HHIP: variants seen among roughly 807,000 people sequenced by gnomAD.
The protein encoded by HHIP is hedgehog-interacting protein.
A neutral mutation model predicts 74.0 loss-of-function variants in HHIP; 12 were observed. The ratio of observed to expected loss-of-function variants is 0.16; its 90% CI spans 0.10 to 0.26. The LOEUF (loss-of-function observed/expected upper bound fraction) is 0.26, where lower values mean the gene tolerates loss of function less well. HHIP is among the 10% of genes least tolerant of loss of function. The pLI, the probability that HHIP is intolerant of heterozygous loss-of-function variation, is 1.00. For missense variants in HHIP, 788 were observed against 845.0 expected, an observed-to-expected ratio of 0.93 and a Z score of 0.84; for synonymous variants, 309 against 311.6, an observed-to-expected ratio of 0.99 and a Z score of 0.09.
At chr4:144,656,018 A>G (rs1435577818) in intron 2 of HHIP, among the ~76,000 whole-genome samples, 1 of 152,208 alleles carries the variant, frequency 6.6e-6, no homozygotes, top group Non-Finnish European at 1.5e-5. Flanking sequence ...CATTATTAGT[A>G]GACCTGACCA....
intron 1 of HHIP, among the ~76,000 whole-genome samples, chr4:144,652,260 A>G (rs1404755824): frequency 6.6e-6 from 1 of 152,130 alleles, no homozygotes; most frequent in Non-Finnish European, 1.5e-5. Context: ...TTAAAGTTAA[A>G]TATCATTCAG....
intron 4 of HHIP, among the ~76,000 whole-genome samples, chr4:144,687,905 G>C (rs1729534074): frequency 6.6e-6 from 1 of 151,852 alleles, no homozygotes; most frequent in Non-Finnish European, 1.5e-5. Flanking sequence ...CTGTGTTACA[G>C]AGTCTTTACA....
At chr4:144,733,589 ACCT>A (rs1249029825) in intron 11 of HHIP, among the ~76,000 whole-genome samples, 1 of 152,056 alleles carries the variant, frequency 6.6e-6, no homozygotes, top group Non-Finnish European at 1.5e-5. Context: ...TCTGTAATTT[ACCT>A]CTTGAGGTTT....
In HHIP at chr4:144,718,529, T is replaced by A. The variant is rs753935660; in HGVS notation, c.1679-346T>A. Among the ~76,000 whole-genome samples, 47 of 152,208 alleles carry A rather than the reference T, an allele frequency of 3.1e-4. 1 individual carries two copies. Among genetic ancestry groups the A allele is most frequent in the Non-Finnish European group, 3.5e-4 (24 of 68,034 alleles). On this transcript the variant is annotated intron_variant, in intron 10 of 12. Transcript: ENST00000296575. ...AAGGAGTGTGATCCAACGTACATGA[T>A]CTAACTCCTTTGAAAAGAATCACTG...
intron 11 of HHIP, 26 bp downstream of exon 11, chr4:144,718,982 G>T: frequency 7.3e-7 from 1 of 1,364,626 alleles, no homozygotes; most frequent in South Asian, 1.2e-5. Flanking sequence ...ATCCCATTAA[G>T]TCAAGTAATT....
intron 11 of HHIP, among the ~76,000 whole-genome samples, chr4:144,724,926 G>A (rs1479948824): frequency 6.6e-6 from 1 of 151,736 alleles, no homozygotes. Flanking sequence ...GCCATAAAAT[G>A]GAGAATGTGA....
chr4:144,721,601 A>G (rs1161808986), intron 11 of HHIP, among the ~76,000 whole-genome samples: 5 of 151,776 alleles, frequency 3.3e-5, no homozygotes, highest in African/African-American at 9.7e-5. Context: ...AAGGAAAAAA[A>G]AAAAAAAAAA....
At chr4:144,706,818 T>C in intron 5 of HHIP, 136 bp downstream of exon 5, 1 of 793,342 alleles carries the variant, frequency 1.3e-6, no homozygotes. Context: ...TCCATCTTGC[T>C]GAAAACTCCA....
At chr4:144,692,851 G>C (rs1729712127) in intron 4 of HHIP, among the ~76,000 whole-genome samples, 1 of 151,068 alleles carries the variant, frequency 6.6e-6, no homozygotes, top group Admixed American at 6.6e-5. Flanking sequence ...CCGAGACACA[G>C]AGAGGCTAAG....
chr4:144,689,965 C>A (rs781698985), intron 4 of HHIP, among the ~76,000 whole-genome samples: 14 of 152,050 alleles, frequency 9.2e-5, no homozygotes, highest in Non-Finnish European at 1.5e-4. Context: ...TGCACCATCA[C>A]GCCCAGCTAA....
At chr4:144,716,503 A>T (rs942553230) in intron 10 of HHIP, among the ~76,000 whole-genome samples, 2 of 152,128 alleles carry the variant, frequency 1.3e-5, no homozygotes, top group Admixed American at 6.5e-5. Flanking sequence ...CCCCTAACTT[A>T]CATCCTCTGT....
Position 144,715,401 on chromosome 4 carries a change from A to G in HHIP, c.1649A>G (p.His550Arg). 6.2e-7 allele frequency: 1 copy of G among 1,613,516 alleles called. No homozygotes were observed. The part of the protein sequence containing the change: ...SGSCRGYFSG[H>R]ILGFGEDELG... ...TCCTGTAGAGGCTACTTTTCCGGTCACATCTTGGGATTTGGAGAAGATGAA... is the reference window on the plus strand; with the variant it reads ...TCCTGTAGAGGCTACTTTTCCGGTCGCATCTTGGGATTTGGAGAAGATGAA... The change falls in exon 10 of 13, where the codon CAC becomes CGC. Residue 550 changes from histidine to arginine, a missense_variant. This residue lies in a region of HHIP where 343 missense variants were observed against 347.9 expected (regional missense o/e 0.99). Transcript: ENST00000296575.
intron 2 of HHIP, among the ~76,000 whole-genome samples, chr4:144,653,403 T>C (rs1728476511): frequency 6.6e-6 from 1 of 152,088 alleles, no homozygotes; most frequent in African/African-American, 2.4e-5. Flanking sequence ...AGTTATACAA[T>C]GAGAAGGTGA....
At chr4:144,718,178 G>T (rs1334655391) in intron 10 of HHIP, among the ~76,000 whole-genome samples, 4 of 152,160 alleles carry the variant, frequency 2.6e-5, no homozygotes, top group African/African-American at 9.7e-5. Flanking sequence ...AGAGGAATTT[G>T]TTGGGAGTTG....
intron 4 of HHIP, among the ~76,000 whole-genome samples, chr4:144,666,604 C>A (rs1430975061): frequency 6.6e-6 from 1 of 152,228 alleles, no homozygotes; most frequent in Non-Finnish European, 1.5e-5. Flanking sequence ...TTGTCTGACA[C>A]TGTGCTCTCA....
chr4:144,647,490 C>G (rs943831441), intron 1 of HHIP, among the ~76,000 whole-genome samples: 2 of 152,314 alleles, frequency 1.3e-5, no homozygotes, highest in Non-Finnish European at 2.9e-5. Flanking sequence ...AAAGGAACTC[C>G]TGGTCCTCCG....
chr4:144,706,968 T>C (rs1014800455), intron 5 of HHIP, 119 bp from the exon 6 acceptor site: 1 of 819,084 alleles, frequency 1.2e-6, no homozygotes, highest in African/African-American at 1.7e-5. Flanking sequence ...TTCAAATATA[T>C]GTTTCCTTAT....
intron 2 of HHIP, 105 bp from the exon 3 acceptor site, chr4:144,658,685 C>T: frequency 1.2e-6 from 1 of 857,948 alleles, no homozygotes; most frequent in South Asian, 1.9e-5. Flanking sequence ...CCTAAAATAT[C>T]CACCTAGTTT....
rs1196528846 is a variant in HHIP at position 144,742,149 on chromosome 4, CTAAA to C, written c.*4195_*4198del. 2 of 151,948 alleles carry C rather than the reference CTAAA, an allele frequency of 1.3e-5. No individual in the cohort carries two copies. The highest frequency in any genetic ancestry group is 2.9e-5 in the Non-Finnish European group (2 of 68,012). 9.4% of individuals were successfully genotyped at this position (151,948 alleles called of 1,614,324 possible). On this transcript the variant is annotated 3_prime_UTR_variant, in exon 13 of 13. Transcript: ENST00000296575. The stretch of plus-strand genomic sequence containing the variant: ...CTCCTACATTTTCTATTGGTTTTGC[CTAAA>C]TAGACATGTTCTCAATACACCCATG...
Sources: gnomAD v4.1 joint callset for allele counts (sites outside exome capture counted in the v4.1 genomes callset) on GRCh38, gnomAD v4.1.1 for gene constraint, gnomAD v4.1.1 regional missense constraint, MANE v1.5 for transcripts, NCBI Gene and HGNC (gene_info 2026-07-23, HGNC 2026-07-21) for gene names.